The following HDAC9 variants were observed in gnomAD, a reference collection of about 807,000 sequenced individuals.
HDAC9 encodes the protein MEF-2 interacting transcription repressor (MITR) protein.
Under a neutral mutation model 139.4 loss-of-function variants are expected in HDAC9, and 41 were observed. The ratio of observed to expected loss-of-function variants is 0.29; its 90% confidence interval spans 0.23 to 0.38. The LOEUF (loss-of-function observed/expected upper bound fraction) is 0.38, where lower values mean the gene tolerates loss of function less well. Among genes scored for constraint, HDAC9 ranks in the 10% least tolerant of loss-of-function variants. HDAC9 has a pLI of 1.00. For synonymous variants in HDAC9, 517 were observed against 476.2 expected (o/e 1.09, Z -1.12); for missense variants, 1,147 against 1,297.0 (o/e 0.88, Z 1.78).
chr7:18,798,167 G>A (rs1056156084), intron 17 of HDAC9, among the ~76,000 whole-genome samples: 23 of 152,142 alleles, frequency 1.5e-4, no homozygotes, highest in African/African-American at 1.7e-4. Flanking sequence ...AAAACAGTCC[G>A]CTCCTAGGCT....
intron 13 of HDAC9, among the ~76,000 whole-genome samples, chr7:18,738,893 A>G (rs914838153): frequency 1.3e-5 from 2 of 152,238 alleles, no homozygotes; most frequent in Non-Finnish European, 2.9e-5. Context: ...ACTTTCAGGT[A>G]CACCAATCAA....
intron 17 of HDAC9, among the ~76,000 whole-genome samples, chr7:18,827,560 G>T (rs902354431): frequency 6.6e-6 from 1 of 151,962 alleles, no homozygotes; most frequent in Non-Finnish European, 1.5e-5. Context: ...CTTCTCTCTG[G>T]GTTCTAAGCT....
chr7:18,421,291 C>A (rs1302314700), intron 1 of HDAC9, among the ~76,000 whole-genome samples: 2 of 149,338 alleles, frequency 1.3e-5, no homozygotes, highest in Non-Finnish European at 3.0e-5. Context: ...TTTCCAAAAT[C>A]TTTTATCTCA....
In HDAC9 at chr7:18,137,298, C is replaced by T. The variant is rs1436087726; in HGVS notation, c.-96-24931C>T. On this transcript the variant is annotated intron_variant, in intron 1 of 12. Transcript: ENST00000417496. ...TTTCCTAATTGAATACCCTTTATTT[C>T]CTTCTCCTGCCTAATTGCCCTGGCC... is the stretch of plus-strand genomic sequence containing the variant. 2.8e-5 allele frequency among the ~76,000 whole-genome samples: 4 copies of T among 144,904 alleles called. No homozygotes were observed. In the East Asian group the frequency reaches 6.1e-4, roughly 22 times the overall value.
At chr7:18,418,589 G>A (rs1342932308) in intron 1 of HDAC9, among the ~76,000 whole-genome samples, 1 of 152,054 alleles carries the variant, frequency 6.6e-6, no homozygotes, top group African/African-American at 2.4e-5. Flanking sequence ...CCAGGCCACA[G>A]AACAATGAGA....
chr7:18,223,738 T>C (rs1470540826), intron 2 of HDAC9, among the ~76,000 whole-genome samples: 1 of 152,138 alleles, frequency 6.6e-6, no homozygotes, highest in Non-Finnish European at 1.5e-5. Context: ...TGTCTACATG[T>C]TTCCTATATA....
At chr7:18,205,146 C>G (rs1282965752) in intron 2 of HDAC9, among the ~76,000 whole-genome samples, 2 of 151,916 alleles carry the variant, frequency 1.3e-5, no homozygotes, top group African/African-American at 2.4e-5. Flanking sequence ...TTATGTCAGC[C>G]TCATTGATTA....
At chr7:18,471,495 T>C (rs1794722451) in intron 1 of HDAC9, among the ~76,000 whole-genome samples, 1 of 152,238 alleles carries the variant, frequency 6.6e-6, no homozygotes, top group Non-Finnish European at 1.5e-5. Flanking sequence ...TGAATGATTA[T>C]ATTAGCTAAG....
intron 22 of HDAC9, among the ~76,000 whole-genome samples, chr7:18,889,752 C>T (rs1057179565): frequency 1.2e-4 from 18 of 152,164 alleles, no homozygotes; most frequent in African/African-American, 4.1e-4. Flanking sequence ...GGCTGAAGTG[C>T]AGTGGTGCAA....
intron 1 of HDAC9, among the ~76,000 whole-genome samples, chr7:18,456,580 A>G (rs1793373091): frequency 6.6e-6 from 1 of 152,094 alleles, no homozygotes. Context: ...TTTCATTCAT[A>G]TGATTTATGA....
At chr7:18,734,537 T>G (rs1786705891) in intron 13 of HDAC9, among the ~76,000 whole-genome samples, 1 of 152,188 alleles carries the variant, frequency 6.6e-6, no homozygotes, top group African/African-American at 2.4e-5. Flanking sequence ...GCTTCCAGCT[T>G]CATCCGTGTC....
At chr7:18,312,714 T>A (rs964826402) in intron 1 of HDAC9, among the ~76,000 whole-genome samples, 1 of 152,164 alleles carries the variant, frequency 6.6e-6, no homozygotes, top group African/African-American at 2.4e-5. Context: ...GTCAGGTTTG[T>A]GTCAGGAAGT....
At chr7:18,264,454 A>T (rs933302179) in intron 2 of HDAC9, among the ~76,000 whole-genome samples, 1 of 152,210 alleles carries the variant, frequency 6.6e-6, no homozygotes, top group South Asian at 2.1e-4. Flanking sequence ...GTAAACATAC[A>T]TGTATATCCA....
chr7:18,166,686 G>A (rs1788034219), intron 2 of HDAC9, among the ~76,000 whole-genome samples: 1 of 152,140 alleles, frequency 6.6e-6, no homozygotes, highest in African/African-American at 2.4e-5. Flanking sequence ...AGGTTTTTTA[G>A]AAGCATATGG....
At chr7:18,936,044 C>T in intron 23 of HDAC9, 102 bp downstream of exon 23, 1 of 1,099,250 alleles carries the variant, frequency 9.1e-7, no homozygotes, top group East Asian at 2.4e-5. Context: ...GAAAGCTTAA[C>T]ATTGCTCTTA....
At chr7:18,375,150 C>G (rs1017701918) in intron 1 of HDAC9, among the ~76,000 whole-genome samples, 3 of 152,178 alleles carry the variant, frequency 2.0e-5, no homozygotes, top group African/African-American at 7.2e-5. Flanking sequence ...ATGCATGTTA[C>G]TACATAAAAT....
At chr7:18,128,185 CA>C (rs994602415) in intron 1 of HDAC9, among the ~76,000 whole-genome samples, 1 of 151,992 alleles carries the variant, frequency 6.6e-6, no homozygotes, top group Non-Finnish European at 1.5e-5. Flanking sequence ...GTACCTTTAC[CA>C]AAAAATCTCA....
intron 2 of HDAC9, among the ~76,000 whole-genome samples, chr7:18,253,284 G>A (rs764932193): frequency 6.6e-6 from 1 of 152,118 alleles, no homozygotes; most frequent in Non-Finnish European, 1.5e-5. Context: ...TGGGATTATT[G>A]GGTTGAATGG....
intron 2 of HDAC9, among the ~76,000 whole-genome samples, chr7:18,498,323 T>G (rs1233572295): frequency 6.6e-6 from 1 of 152,024 alleles, no homozygotes; most frequent in Non-Finnish European, 1.5e-5. Context: ...TTACAAAATA[T>G]GATACCTAGA....
Sources: allele counts gnomAD v4.1 joint callset (sites outside exome capture counted in the v4.1 genomes callset), GRCh38; gene constraint gnomAD v4.1.1; transcripts MANE v1.5; gene names NCBI Gene and HGNC (gene_info 2026-07-23, HGNC 2026-07-21).